SHOC2: variants seen among roughly 807,000 people sequenced by gnomAD.
The protein encoded by SHOC2 is SHOC2 leucine rich repeat scaffold protein.
SHOC2 carries 4 observed loss-of-function variants against 50.2 expected under a neutral mutation model. That is an observed-to-expected ratio of 0.08 (90% CI 0.04 to 0.18). SHOC2 has a LOEUF of 0.18. Among genes scored for constraint, SHOC2 ranks in the 10% least tolerant of loss-of-function variants. The probability of loss-of-function intolerance (pLI) is 1.00; values close to 1 mark genes in which losing one functional copy is unlikely to be tolerated. For missense variants in SHOC2, 388 were observed against 669.6 expected, an observed-to-expected ratio of 0.58 and a Z score of 4.64; for synonymous variants, 218 against 244.5, an observed-to-expected ratio of 0.89 and a Z score of 1.01.
In SHOC2 at chr10:111,012,991, T is replaced by C. The variant is rs1387633035; in HGVS notation, c.*1173T>C. On this transcript the variant is annotated 3_prime_UTR_variant, in exon 9 of 9. Transcript: ENST00000369452. ...TTTTCCCCACATATGGGGCACTGGC[T>C]TCAAACAATTCAGTTCAGTATCATT... 1.3e-5 allele frequency: 2 copies of C among 152,676 alleles called. No homozygotes were observed. Among genetic ancestry groups the C allele is most frequent in the African/African-American group, 4.8e-5 (2 of 41,462 alleles). 9.5% of individuals were successfully genotyped at this position (152,676 alleles called of 1,614,324 possible).
At chr10:110,986,360 G>A (rs961325381) in intron 3 of SHOC2, among the ~76,000 whole-genome samples, 1 of 152,146 alleles carries the variant, frequency 6.6e-6, no homozygotes, top group Non-Finnish European at 1.5e-5. Flanking sequence ...TAAAAATTCT[G>A]ATGCCTTTTT....
chr10:110,961,357 A>G (rs1281807782), intron 1 of SHOC2, among the ~76,000 whole-genome samples: 1 of 152,222 alleles, frequency 6.6e-6, no homozygotes, highest in Non-Finnish European at 1.5e-5. Flanking sequence ...ATGTTTTCTT[A>G]TCTAAAACGT....
chr10:110,984,166 G>A (rs374890225), intron 2 of SHOC2, among the ~76,000 whole-genome samples: 2 of 152,212 alleles, frequency 1.3e-5, no homozygotes, highest in Non-Finnish European at 1.5e-5. Flanking sequence ...ACTAGTACTT[G>A]TTATTTTCTA....
At chr10:110,950,726 A>G (rs1433912405) in intron 1 of SHOC2, among the ~76,000 whole-genome samples, 1 of 152,208 alleles carries the variant, frequency 6.6e-6, no homozygotes, top group Non-Finnish European at 1.5e-5. Flanking sequence ...CAATCAGTTG[A>G]TCTTTAACAA....
chr10:110,947,753 A>G (rs1847274496), intron 1 of SHOC2, among the ~76,000 whole-genome samples: 1 of 150,602 alleles, frequency 6.6e-6, no homozygotes, highest in Admixed American at 6.6e-5. Context: ...ATAAAGAGAA[A>G]GCAAATAAGT....
chr10:111,004,273 C>A, intron 4 of SHOC2, among the ~76,000 whole-genome samples: 1 of 152,204 alleles, frequency 6.6e-6, no homozygotes, highest in African/African-American at 2.4e-5. Flanking sequence ...AAATTAGTCA[C>A]CCATGAGGCA....
chr10:110,922,062 C>T lies in SHOC2; in HGVS notation c.-235+2405C>T, dbSNP rs1368904627. ...CAAGTAAAAGGTCATGCATCAACTT[C>T]TGAACTACAAGCCAGTTGGAAATTT... On this transcript the variant is annotated intron_variant, in intron 1 of 8. Coordinates refer to ENST00000369452, the MANE Select transcript of SHOC2 (RefSeq NM_007373.4). Among the ~76,000 whole-genome samples, 5 of 152,018 alleles carry T rather than the reference C, an allele frequency of 3.3e-5. No individual in the cohort carries two copies. The East Asian group carries it at 5.8e-4, about 18-fold the overall frequency.
At chr10:110,949,026 A>G (rs556178438) in intron 1 of SHOC2, among the ~76,000 whole-genome samples, 1 of 152,280 alleles carries the variant, frequency 6.6e-6, no homozygotes, top group Admixed American at 6.5e-5. Context: ...TTGTGGCCCA[A>G]AGAAGCCAAA....
upstream of SHOC2, chr10:110,919,484 C>T (rs1401168689): frequency 5.2e-6 from 2 of 385,908 alleles, no homozygotes; most frequent in Non-Finnish European, 9.0e-6. Flanking sequence ...GGGCCCACGG[C>T]AGAGGGGTGG....
At chr10:110,946,912 C>T (rs1340224216) in intron 1 of SHOC2, among the ~76,000 whole-genome samples, 7 of 152,126 alleles carry the variant, frequency 4.6e-5, no homozygotes. Flanking sequence ...AGTAAAATGT[C>T]AGAATAGTAG....
chr10:111,009,670 G>A (rs1398099257), intron 7 of SHOC2, 43 bp from the exon 8 acceptor site: 1 of 1,191,850 alleles, frequency 8.4e-7, no homozygotes, highest in East Asian at 2.4e-5. Flanking sequence ...ATTAAATGTA[G>A]GAAATATATT....
intron 1 of SHOC2, among the ~76,000 whole-genome samples, chr10:110,955,706 T>C (rs1847448219): frequency 6.6e-6 from 1 of 152,226 alleles, no homozygotes. Context: ...GTGTCATTGC[T>C]CTGTTTTCTA....
intron 1 of SHOC2, among the ~76,000 whole-genome samples, 190 bp from the exon 2 acceptor site, chr10:110,963,935 A>G (rs143468989): frequency 2.7e-4 from 41 of 152,254 alleles, no homozygotes; most frequent in African/African-American, 8.7e-4. Flanking sequence ...TTAGATTGCA[A>G]GTTTCTTGAA....
intron 1 of SHOC2, among the ~76,000 whole-genome samples, chr10:110,954,611 G>A (rs550405538): frequency 1.2e-3 from 178 of 152,276 alleles, no homozygotes; most frequent in African/African-American, 4.0e-3. Flanking sequence ...TCTTATGGAA[G>A]GAAGTCTTAC....
chr10:110,961,256 T>C (rs972605545), intron 1 of SHOC2, among the ~76,000 whole-genome samples: 2 of 152,186 alleles, frequency 1.3e-5, no homozygotes, highest in East Asian at 3.8e-4. Flanking sequence ...AAATATAGCC[T>C]TCCCCCAAAA....
At chr10:110,999,914 A>G (rs1436287265) in intron 3 of SHOC2, among the ~76,000 whole-genome samples, 1 of 152,070 alleles carries the variant, frequency 6.6e-6, no homozygotes, top group Non-Finnish European at 1.5e-5. Context: ...CATCAGGCCA[A>G]GTTTTCAGTA....
At position 110,927,761 on chromosome 10, in the gene SHOC2, G is replaced by T. The variant is rs554822800; in HGVS notation, c.-235+8104G>T. Among the ~76,000 whole-genome samples the T allele has an allele frequency of 3.9e-5, 6 of 152,210 alleles. No individual in the cohort carries two copies. In the East Asian group the frequency reaches 1.2e-3, roughly 29 times the overall value. On this transcript the variant is annotated intron_variant, in intron 1 of 8. Transcript: ENST00000369452. ...TGAGATTGTGTCAGGCTTTGTGTTG[G>T]GCACCAAGCACCTTAAGATAGTCAG...
chr10:110,924,360 G>A (rs1011001555), intron 1 of SHOC2, among the ~76,000 whole-genome samples: 1 of 152,168 alleles, frequency 6.6e-6, no homozygotes, highest in Non-Finnish European at 1.5e-5. Flanking sequence ...CACACTGCAC[G>A]TATAACTGGC....
chr10:110,986,691 G>A (rs993521407), intron 3 of SHOC2, among the ~76,000 whole-genome samples: 1 of 152,096 alleles, frequency 6.6e-6, no homozygotes, highest in Non-Finnish European at 1.5e-5. Context: ...GGCCAGGCTG[G>A]TCTTGAACTC....
Sources: gnomAD v4.1 joint callset for allele counts (sites outside exome capture counted in the v4.1 genomes callset) on GRCh38, gnomAD v4.1.1 for gene constraint, MANE v1.5 for transcripts, NCBI Gene and HGNC (gene_info 2026-07-23, HGNC 2026-07-21) for gene names.